WDFY4: variants seen among roughly 807,000 people sequenced by gnomAD.
The protein encoded by WDFY4 is WD repeat- and FYVE domain-containing protein 4.
A neutral mutation model predicts 351.9 loss-of-function variants in WDFY4; 169 were observed. That is an observed-to-expected ratio of 0.48 (90% CI 0.42 to 0.55). The LOEUF is 0.55. Ranked by LOEUF, WDFY4 falls within the 20% of genes least tolerant of loss-of-function variation. The pLI is 0.00. For missense variants in WDFY4, 3,803 were observed against 3,935.6 expected (o/e 0.97, Z 0.90); for synonymous variants, 1,622 against 1,574.6 (o/e 1.03, Z -0.71).
chr10:48,804,923 C>T (rs2067202574), intron 25 of WDFY4, among the ~76,000 whole-genome samples: 1 of 152,064 alleles, frequency 6.6e-6, no homozygotes, highest in African/African-American at 2.4e-5. Context: ...GGGAAGTACT[C>T]CCCAGTCACA....
intron 1 of WDFY4, among the ~76,000 whole-genome samples, chr10:48,700,032 G>C (rs536393110): frequency 6.6e-6 from 1 of 152,314 alleles, no homozygotes; most frequent in East Asian, 1.9e-4. Context: ...TTAACAATCT[G>C]TTCAGGTGAT....
intron 47 of WDFY4, among the ~76,000 whole-genome samples, chr10:48,904,725 T>A (rs1837529005): frequency 6.6e-6 from 1 of 152,204 alleles, no homozygotes; most frequent in Non-Finnish European, 1.5e-5. Flanking sequence ...TCCCAAACTG[T>A]CATTTTCCCC....
intron 13 of WDFY4, 50 bp downstream of exon 13, chr10:48,760,490 C>T (rs902647430): frequency 3.3e-6 from 5 of 1,526,366 alleles, no homozygotes; most frequent in South Asian, 1.2e-5. Flanking sequence ...TGACTGATCT[C>T]TCAAATGCCT....
chr10:48,748,721 A>G (rs1420788847), intron 12 of WDFY4, among the ~76,000 whole-genome samples: 2 of 152,176 alleles, frequency 1.3e-5, no homozygotes, highest in African/African-American at 2.4e-5. Flanking sequence ...ATGGCCCTTG[A>G]CCTTCCTTGA....
intron 49 of WDFY4, among the ~76,000 whole-genome samples, chr10:48,944,266 T>G (rs944369596): frequency 5.3e-5 from 8 of 152,228 alleles, no homozygotes; most frequent in Non-Finnish European, 1.0e-4. Context: ...GGGCCTCATC[T>G]GGGATCTGGA....
chr10:48,969,785 C>A (rs909012605), intron 56 of WDFY4, among the ~76,000 whole-genome samples: 19 of 151,920 alleles, frequency 1.3e-4, no homozygotes, highest in Admixed American at 9.8e-4. Flanking sequence ...ATCCCCCAAG[C>A]TCTCCCCAGC....
At chr10:48,754,884 T>C (rs1367744704) in intron 12 of WDFY4, among the ~76,000 whole-genome samples, 1 of 152,164 alleles carries the variant, frequency 6.6e-6, no homozygotes, top group Non-Finnish European at 1.5e-5. Flanking sequence ...GGGCAGGGTG[T>C]TGGAAAACTG....
intron 1 of WDFY4, among the ~76,000 whole-genome samples, chr10:48,693,031 T>C (rs1229824457): frequency 6.6e-6 from 1 of 152,052 alleles, no homozygotes; most frequent in Non-Finnish European, 1.5e-5. Context: ...AGGGGGAGAT[T>C]TCCAGGCAGA....
At chr10:48,940,854 C>T (rs1840715488) in intron 47 of WDFY4, among the ~76,000 whole-genome samples, 1 of 152,170 alleles carries the variant, frequency 6.6e-6, no homozygotes. Context: ...CACACTCTCC[C>T]CAGTATTGCA....
intron 39 of WDFY4, among the ~76,000 whole-genome samples, chr10:48,852,073 T>C (rs558806063): frequency 6.6e-6 from 1 of 152,362 alleles, no homozygotes; most frequent in East Asian, 1.9e-4. Context: ...TGTCCCTGCT[T>C]GATGTGCTAC....
At chr10:48,692,031 G>A (rs970498388) in intron 1 of WDFY4, among the ~76,000 whole-genome samples, 3 of 152,318 alleles carry the variant, frequency 2.0e-5, no homozygotes, top group Admixed American at 1.3e-4. Flanking sequence ...CAATTAAAAG[G>A]GTGATGAAGC....
At chr10:48,819,625 C>T (rs1001004109) in intron 32 of WDFY4, among the ~76,000 whole-genome samples, 7 of 152,284 alleles carry the variant, frequency 4.6e-5, no homozygotes, top group Admixed American at 2.6e-4. Context: ...ACCCCTGTCT[C>T]GTTGATCTCC....
At chr10:48,704,015 T>A (rs1565109489) in intron 1 of WDFY4, among the ~76,000 whole-genome samples, 1 of 151,994 alleles carries the variant, frequency 6.6e-6, no homozygotes, top group African/African-American at 2.4e-5. Context: ...AGGCTCGCCA[T>A]CTGGTTCCCT....
At chr10:48,712,941 A>G (rs555377693) in intron 2 of WDFY4, among the ~76,000 whole-genome samples, 5 of 152,214 alleles carry the variant, frequency 3.3e-5, no homozygotes, top group Admixed American at 6.5e-5. Flanking sequence ...CCTGAGTACA[A>G]ACAAAGAGTC....
chr10:48,827,098 G>A (rs1466756289), intron 36 of WDFY4, among the ~76,000 whole-genome samples, 189 bp downstream of exon 36: 2 of 152,184 alleles, frequency 1.3e-5, no homozygotes, highest in Non-Finnish European at 2.9e-5. Flanking sequence ...TGTGACAGCA[G>A]TTAGAATCAT....
intron 44 of WDFY4, among the ~76,000 whole-genome samples, chr10:48,891,921 G>T (rs867885374): frequency 2.0e-5 from 3 of 152,350 alleles, no homozygotes; most frequent in Middle Eastern, 3.4e-3. Context: ...CACCTTGGTT[G>T]ATTTAGATCA....
intron 7 of WDFY4, among the ~76,000 whole-genome samples, chr10:48,728,970 C>T (rs184876126): frequency 2.5e-4 from 38 of 152,318 alleles, no homozygotes; most frequent in African/African-American, 8.2e-4. Context: ...ACTTGAGATG[C>T]CCTTCTCCAC....
chr10:48,963,785 G>A (rs916045810), intron 53 of WDFY4, 57 bp from the exon 54 acceptor site: 224 of 1,501,254 alleles, frequency 1.5e-4, no homozygotes, highest in Admixed American at 3.0e-4. Context: ...TCTGTGCAGC[G>A]AGTGCATGAG....
chr10:48,738,559 T>C (rs533028541), intron 11 of WDFY4, among the ~76,000 whole-genome samples: 1 of 152,296 alleles, frequency 6.6e-6, no homozygotes, highest in Non-Finnish European at 1.5e-5. Context: ...ACACTGCTGC[T>C]CTAGGGGGCA....
Sources: gnomAD v4.1 joint callset for allele counts (sites outside exome capture counted in the v4.1 genomes callset) on GRCh38, gnomAD v4.1.1 for gene constraint, MANE v1.5 for transcripts, NCBI Gene and HGNC (gene_info 2026-07-23, HGNC 2026-07-21) for gene names.